Variants in CACNA1D observed in about 807,000 individuals in gnomAD.
CACNA1D encodes the protein voltage-dependent L-type calcium channel subunit alpha-1D.
Under a neutral mutation model 257.1 loss-of-function variants are expected in CACNA1D, and 55 were observed. The observed-to-expected ratio is 0.21, with a 90% CI of 0.17 to 0.27. The LOEUF (loss-of-function observed/expected upper bound fraction) is 0.27, where lower values mean the gene tolerates loss of function less well. CACNA1D is among the 10% of genes least tolerant of loss of function. CACNA1D has a pLI of 1.00. For synonymous variants in CACNA1D, 980 were observed against 1,014.9 expected (o/e 0.97, Z 0.65); for missense variants, 1,876 against 2,784.0 (o/e 0.67, Z 7.34).
chr3:53,719,889 T>C, intron 11 of CACNA1D, 108 bp downstream of exon 11: 1 of 1,010,882 alleles, frequency 9.9e-7, no homozygotes, highest in Non-Finnish European at 1.6e-6. Flanking sequence ...CCTCTGTGGA[T>C]TATAACATTG....
chr3:53,730,531 G>A lies in CACNA1D; in HGVS notation c.2311G>A (p.Glu771Lys). 4 of 1,613,934 alleles carry A rather than the reference G, an allele frequency of 2.5e-6. No individual in the cohort carries two copies. Among genetic ancestry groups the A allele is most frequent in the Non-Finnish European group, 3.4e-6 (4 of 1,179,754 alleles). ...LNTAQKEEAE[E>K]KERKKIARKE... is the part of the protein sequence containing the mutation. Reference sequence around the variant, plus strand: ...CACTGCTCAGAAAGAAGAAGCGGAAGAAAAGGAGAGGAAAAAGATTGCCAG... The same window carrying A: ...CACTGCTCAGAAAGAAGAAGCGGAAAAAAAGGAGAGGAAAAAGATTGCCAG... The change falls in exon 16 of 48, where the codon GAA (glutamate) becomes AAA (lysine). Residue 771 changes from glutamate (E) to lysine (K), a missense_variant. Glu to Lys is a moderately conservative substitution (Grantham distance 56). Around this residue, in one of 10 missense-constraint regions of CACNA1D, gnomAD observed 78 missense variants for 69.2 expected, o/e 1.13. Coordinates refer to ENST00000350061, the MANE Select transcript of CACNA1D (RefSeq NM_001128840.3).
chr3:53,776,983 A>G (rs777277136), intron 37 of CACNA1D, 27 bp downstream of exon 37: 1 of 1,539,472 alleles, frequency 6.5e-7, no homozygotes, highest in South Asian at 1.1e-5. Context: ...CGTGTCTGAC[A>G]GCCTGTCTTG....
At chr3:53,706,762 T>G (rs2094694159) in intron 9 of CACNA1D, among the ~76,000 whole-genome samples, 1 of 152,200 alleles carries the variant, frequency 6.6e-6, no homozygotes, top group South Asian at 2.1e-4. Context: ...TCATCCCTCA[T>G]GCCTCTTCCA....
intron 11 of CACNA1D, among the ~76,000 whole-genome samples, chr3:53,721,186 G>A (rs1426727055): frequency 6.6e-6 from 1 of 152,178 alleles, no homozygotes; most frequent in East Asian, 1.9e-4. Context: ...TCTTTCCATT[G>A]GAACCTGCAC....
At chr3:53,595,138 C>T (rs1322406189) in intron 3 of CACNA1D, among the ~76,000 whole-genome samples, 1 of 152,142 alleles carries the variant, frequency 6.6e-6, no homozygotes, top group African/African-American at 2.4e-5. Context: ...GCATTAGTCC[C>T]ACACAACTCT....
intron 30 of CACNA1D, among the ~76,000 whole-genome samples, chr3:53,764,457 T>A (rs1326628379): frequency 6.6e-6 from 1 of 152,246 alleles, no homozygotes; most frequent in Admixed American, 6.5e-5. Context: ...CTCCCTGGAC[T>A]GCTCAGCACT....
At position 53,800,314 on chromosome 3, in the gene CACNA1D, A is replaced by G. The variant is rs1349523931; in HGVS notation, c.4989A>G (p.Gln1663=). ...GGCGTGCTATATCGTGTGATTTGCA[A>G]GATGACGAGCCTGAGGAAACAAAAC... ...EIRRAISCDL[Q]DDEPEETKRE... Residue 1663 remains glutamine (Q), a synonymous_variant, in exon 41 of 48, where the codon CAA becomes CAG. Coordinates refer to ENST00000350061, the MANE Select transcript of CACNA1D (RefSeq NM_001128840.3). The surrounding 1 kb of genome is among the most constrained non-coding windows in gnomAD (Gnocchi z 4.3). The G allele has an allele frequency of 6.2e-7, 1 of 1,614,094 alleles. No homozygotes were observed. The highest frequency in any genetic ancestry group is 8.5e-7 in the Non-Finnish European group (1 of 1,179,894).
chr3:53,510,682 T>A (rs1575710585), intron 3 of CACNA1D, among the ~76,000 whole-genome samples: 1 of 152,192 alleles, frequency 6.6e-6, no homozygotes, highest in East Asian at 1.9e-4. Flanking sequence ...ACACCACATC[T>A]CACTGCCTCA....
intron 3 of CACNA1D, among the ~76,000 whole-genome samples, chr3:53,516,723 C>T (rs1051233335): frequency 1.3e-5 from 2 of 152,214 alleles, no homozygotes; most frequent in African/African-American, 4.8e-5. Flanking sequence ...GGGGCCTGCA[C>T]CTTTTGATTG....
intron 11 of CACNA1D, among the ~76,000 whole-genome samples, 173 bp downstream of exon 11, chr3:53,719,954 C>T (rs1295170226): frequency 1.3e-5 from 2 of 152,152 alleles, no homozygotes; most frequent in Non-Finnish European, 2.9e-5. Flanking sequence ...AGGGGGAGAT[C>T]TTAGGTGCCA....
chr3:53,595,309 A>G (rs1248057922), intron 3 of CACNA1D, among the ~76,000 whole-genome samples: 2 of 152,208 alleles, frequency 1.3e-5, no homozygotes, highest in Non-Finnish European at 2.9e-5. Context: ...CCAGGTGGAC[A>G]GCATTTGGAG....
At chr3:53,654,899 G>GA (rs2094133823) in intron 4 of CACNA1D, among the ~76,000 whole-genome samples, 1 of 151,994 alleles carries the variant, frequency 6.6e-6, no homozygotes, top group South Asian at 2.1e-4. Context: ...CAAGGAAGAA[G>GA]AAAAAAGGAA....
At chr3:53,576,135 A>G (rs1307771319) in intron 3 of CACNA1D, among the ~76,000 whole-genome samples, 1 of 152,172 alleles carries the variant, frequency 6.6e-6, no homozygotes, top group Non-Finnish European at 1.5e-5. Context: ...CAGATAAGAC[A>G]CTTAACCCAC....
chr3:53,794,349 C>G (rs553534503), intron 40 of CACNA1D, among the ~76,000 whole-genome samples: 1 of 152,218 alleles, frequency 6.6e-6, no homozygotes, highest in Non-Finnish European at 1.5e-5. Flanking sequence ...AGTTCATTCT[C>G]CTTGGCACCT....
chr3:53,587,273 A>C (rs146097291), intron 3 of CACNA1D, among the ~76,000 whole-genome samples: 2 of 152,266 alleles, frequency 1.3e-5, no homozygotes, highest in Non-Finnish European at 2.9e-5. Flanking sequence ...GGGTGACTGA[A>C]GTGGGAAGAT....
At chr3:53,772,965 T>C in intron 33 of CACNA1D, 67 bp downstream of exon 33, 2 of 1,273,666 alleles carry the variant, frequency 1.6e-6, no homozygotes, top group South Asian at 1.2e-5. Flanking sequence ...TGGCAAGATG[T>C]ACCCTGACCA....
At chr3:53,687,160 T>C (rs990677887) in intron 8 of CACNA1D, among the ~76,000 whole-genome samples, 2 of 152,080 alleles carry the variant, frequency 1.3e-5, no homozygotes, top group African/African-American at 4.8e-5. Context: ...AGATATACCA[T>C]GCCCATGGAT....
At position 53,744,497 on chromosome 3, in the gene CACNA1D, A is replaced by C. The variant is rs550387766; in HGVS notation, c.2919-243A>C. 6.6e-5 allele frequency among the ~76,000 whole-genome samples: 10 copies of C among 152,332 alleles called. No homozygotes were observed. The South Asian group carries it at 2.1e-3, about 32-fold the overall frequency. ...GAGTTCGTGAGTTGTGTCTCTGCCA[A>C]GGTTAGCTGTGCACCTGTCAGCCTC... On this transcript the variant is annotated intron_variant, in intron 22 of 47. Coordinates refer to ENST00000350061, the MANE Select transcript of CACNA1D (RefSeq NM_001128840.3).
intron 21 of CACNA1D, among the ~76,000 whole-genome samples, chr3:53,741,020 G>A (rs771147382): frequency 3.9e-5 from 6 of 152,304 alleles, no homozygotes; most frequent in East Asian, 1.9e-4. Context: ...CAAAAGGAGC[G>A]CCCTTTGGCC....
Sources: allele counts gnomAD v4.1 joint callset (sites outside exome capture counted in the v4.1 genomes callset), GRCh38; gene constraint gnomAD v4.1.1; regional missense constraint gnomAD v4.1.1; non-coding constraint Gnocchi (gnomAD v3.1); transcripts MANE v1.5; gene names NCBI Gene and HGNC (gene_info 2026-07-23, HGNC 2026-07-21).